PMS1: variants seen among roughly 807,000 people sequenced by gnomAD.
PMS1 encodes the protein PMS1 homolog 1, mismatch repair system component.
Under a neutral mutation model 93.1 loss-of-function variants are expected in PMS1, and 79 were observed. The ratio of observed to expected loss-of-function variants is 0.85; its 90% confidence interval spans 0.71 to 1.02. PMS1 has a LOEUF of 1.02. Among genes scored for constraint, PMS1 ranks in the 50% least tolerant of loss-of-function variants. The pLI is 0.00. For synonymous variants in PMS1, 335 were observed against 363.4 expected, an observed-to-expected ratio of 0.92 and a Z score of 0.89; for missense variants, 1,064 against 1,085.3, an observed-to-expected ratio of 0.98 and a Z score of 0.28.
chr2:189,844,860 T>C (rs540291631), intron 6 of PMS1, among the ~76,000 whole-genome samples: 4 of 151,928 alleles, frequency 2.6e-5, no homozygotes, highest in Admixed American at 2.6e-4. Context: ...AATTTTTTTC[T>C]TCTTTCTTTT....
chr2:189,806,072 T>G (rs2050316121), intron 4 of PMS1: 3 of 597,828 alleles, frequency 5.0e-6, no homozygotes, highest in Non-Finnish European at 5.3e-6. Flanking sequence ...AGATTAAAAT[T>G]TTATTGAAAC....
chr2:189,810,534 A>G (rs889544241), intron 4 of PMS1, among the ~76,000 whole-genome samples: 1 of 152,242 alleles, frequency 6.6e-6, no homozygotes, highest in African/African-American at 2.4e-5. Context: ...TTGTGGGCAG[A>G]CATGACAGAT....
intron 2 of PMS1, among the ~76,000 whole-genome samples, chr2:189,793,315 C>G (rs1156365402): frequency 6.6e-6 from 1 of 152,168 alleles, no homozygotes; most frequent in African/African-American, 2.4e-5. Flanking sequence ...GGGTCTTACT[C>G]ATACAACTTC....
chr2:189,785,590 C>G (rs1021684227), intron 1 of PMS1: 2 of 152,206 alleles, frequency 1.3e-5, no homozygotes, highest in African/African-American at 4.8e-5. Flanking sequence ...AACTCTGAGT[C>G]AGGAGCAACA....
chr2:189,844,157 C>T, intron 6 of PMS1, 77 bp downstream of exon 6: 3 of 1,602,858 alleles, frequency 1.9e-6, no homozygotes, highest in South Asian at 1.1e-5. Flanking sequence ...GGGGGAGTTA[C>T]AGTGGCAAGA....
At chr2:189,802,554 T>C (rs1015682759) in intron 3 of PMS1, among the ~76,000 whole-genome samples, 1 of 152,194 alleles carries the variant, frequency 6.6e-6, no homozygotes, top group Non-Finnish European at 1.5e-5. Flanking sequence ...AAGGGTCAAC[T>C]GTACATAATT....
intron 2 of PMS1, among the ~76,000 whole-genome samples, chr2:189,795,567 T>C (rs2049279764): frequency 6.6e-6 from 1 of 152,200 alleles, no homozygotes; most frequent in African/African-American, 2.4e-5. Flanking sequence ...CAGTTGAATC[T>C]GTGTCCAGAG....
intron 10 of PMS1, among the ~76,000 whole-genome samples, chr2:189,865,202 A>G (rs1437770866): frequency 2.0e-5 from 3 of 152,054 alleles, no homozygotes. Flanking sequence ...TTTTTTAAAA[A>G]ATTTATATTT....
rs151325573 is a variant in PMS1, at chr2:189,854,881, G to A, written c.1609G>A (p.Glu537Lys). The A allele has an allele frequency of 2.4e-3, 3,904 of 1,607,300 alleles. 7 individuals are homozygous for A. The highest frequency in any genetic ancestry group is 3.3e-3 in the Admixed American group (196 of 59,774). The change falls in exon 9 of 13, where the codon GAA (glutamate) becomes AAA (lysine). Residue 537 changes from glutamate to lysine, a missense_variant. By Grantham distance (56) the Glu-to-Lys change is moderately conservative. Coordinates refer to ENST00000441310, the MANE Select transcript of PMS1 (RefSeq NM_000534.5). Reference sequence around the variant, plus strand: ...AAGTAATAATAATTATCCAATCCCTGAACAAATGAATCTTAATGAAGATTC... The same window carrying A: ...AAGTAATAATAATTATCCAATCCCTAAACAAATGAATCTTAATGAAGATTC... ...KVSNNNYPIP[E>K]QMNLNEDSCN... is the part of the protein sequence containing the mutation.
At chr2:189,852,473 G>A (rs1378739598) in intron 6 of PMS1, among the ~76,000 whole-genome samples, 182 bp from the exon 7 acceptor site, 1 of 152,296 alleles carries the variant, frequency 6.6e-6, no homozygotes, top group East Asian at 1.9e-4. Context: ...CACCAGTGTA[G>A]CATGCTTTAC....
chr2:189,860,292 T>G (rs946836048), intron 9 of PMS1, among the ~76,000 whole-genome samples: 1 of 152,228 alleles, frequency 6.6e-6, no homozygotes, highest in African/African-American at 2.4e-5. Context: ...GTTTTGCCAG[T>G]ACTTGAACTT....
chr2:189,841,273 G>A (rs2053798269), intron 5 of PMS1, among the ~76,000 whole-genome samples: 1 of 152,136 alleles, frequency 6.6e-6, no homozygotes, highest in Non-Finnish European at 1.5e-5. Context: ...TAGAACAGTA[G>A]TACCTAACAA....
chr2:189,800,408 T>C (rs187990164), intron 3 of PMS1, among the ~76,000 whole-genome samples: 9 of 152,276 alleles, frequency 5.9e-5, no homozygotes, highest in East Asian at 1.9e-4. Context: ...TTGAAACTTA[T>C]ATGTGAGGAC....
At position 189,877,353 on chromosome 2, in the gene PMS1, C is replaced by T. The variant is rs763320793; in HGVS notation, c.2716C>T (p.His906Tyr). ...CCAAGACATTATCTACAGAATGAAG[C>T]ACCAGTTTGGAAATGAAATTAAAGA... ...DIQDIIYRMK[H>Y]QFGNEIKECV... The change falls in exon 13 of 13, where the codon CAC (histidine) becomes TAC (tyrosine). Residue 906 changes from histidine (H) to tyrosine (Y), a missense_variant. His to Tyr is a moderately conservative substitution (Grantham distance 83). Coordinates refer to ENST00000441310, the MANE Select transcript of PMS1 (RefSeq NM_000534.5). 2.5e-6 allele frequency: 4 copies of T among 1,612,544 alleles called. No homozygotes were observed. Among genetic ancestry groups the T allele is most frequent in the South Asian group, 1.1e-5 (1 of 91,054 alleles).
At chr2:189,813,406 T>C (rs1197730760) in intron 4 of PMS1, among the ~76,000 whole-genome samples, 1 of 137,476 alleles carries the variant, frequency 7.3e-6, no homozygotes, top group African/African-American at 2.7e-5. Context: ...AGGTCTCAGA[T>C]ATGTGTCTTA....
intron 5 of PMS1, among the ~76,000 whole-genome samples, chr2:189,828,146 G>A (rs1029986807): frequency 6.6e-6 from 1 of 151,990 alleles, no homozygotes; most frequent in Admixed American, 6.6e-5. Flanking sequence ...GGATGGTCTC[G>A]ATCTCCTGAC....
chr2:189,843,280 A>G (rs1325328331), intron 5 of PMS1, among the ~76,000 whole-genome samples: 2 of 152,132 alleles, frequency 1.3e-5, no homozygotes, highest in Admixed American at 1.3e-4. Context: ...AGCCTCCCAC[A>G]GTGCTGGGAT....
chr2:189,873,593 A>T lies in PMS1; in HGVS notation c.2571A>T (p.Ile857=). Residue 857 remains isoleucine (I), a synonymous_variant, in exon 12 of 13, where the codon ATA becomes ATT. Transcript: ENST00000441310. ...VADLKEILNA[I]LNRNAKEVYE... ...ATTTAAAAGAAATTCTTAATGCTAT[A>T]TTAAACAGAAATGCAAAGGAAGTTT... 1 of 1,603,716 alleles carries T rather than the reference A, an allele frequency of 6.2e-7. No individual in the cohort carries two copies. The highest frequency in any genetic ancestry group is 8.5e-7 in the Non-Finnish European group (1 of 1,170,618).
intron 1 of PMS1, among the ~76,000 whole-genome samples, chr2:189,786,977 C>T (rs5742954): frequency 0.021 from 3,179 of 152,102 alleles, 64 homozygotes; most frequent in Middle Eastern, 0.051. Context: ...CGCTTGAACC[C>T]GGGAGGTGGA....
Sources: allele counts gnomAD v4.1 joint callset (sites outside exome capture counted in the v4.1 genomes callset), GRCh38; gene constraint gnomAD v4.1.1; transcripts MANE v1.5; gene names NCBI Gene and HGNC (gene_info 2026-07-23, HGNC 2026-07-21).